ARB2A: variants seen among roughly 807,000 people sequenced by gnomAD.
ARB2A encodes ARB2 cotranscriptional regulator A.
the ARB2A span, among the ~76,000 whole-genome samples, chr5:93,928,749 AT>A: frequency 1.7e-4 from 26 of 152,258 alleles, no homozygotes; most frequent in African/African-American, 5.8e-4. Context: ...AAAACTACAG[AT>A]TTAGAATAGT....
the ARB2A span, among the ~76,000 whole-genome samples, chr5:93,630,884 A>G: frequency 6.6e-6 from 1 of 152,010 alleles, no homozygotes; most frequent in Admixed American, 6.6e-5. Context: ...TTTGGGAAGT[A>G]AACTTATTCC....
the ARB2A span, among the ~76,000 whole-genome samples, chr5:93,919,158 AC>A: frequency 6.6e-6 from 1 of 152,226 alleles, no homozygotes; most frequent in African/African-American, 2.4e-5. Flanking sequence ...ATATAAATTT[AC>A]TTCAACTGTG....
At chr5:93,864,890 A>G in the ARB2A span, among the ~76,000 whole-genome samples, 7 of 152,160 alleles carry the variant, frequency 4.6e-5, no homozygotes, top group African/African-American at 7.2e-5. Context: ...TCCCTGTTAT[A>G]TACTGTGAGC....
the ARB2A span, among the ~76,000 whole-genome samples, chr5:94,023,869 T>C: frequency 1.3e-5 from 2 of 152,200 alleles, no homozygotes; most frequent in African/African-American, 4.8e-5. Context: ...ATAGAGCTTC[T>C]ACATGCCTGT....
At chr5:93,762,484 G>A in the ARB2A span, among the ~76,000 whole-genome samples, 1 of 152,294 alleles carries the variant, frequency 6.6e-6, no homozygotes, top group Admixed American at 6.5e-5. Flanking sequence ...AATGAAGCAA[G>A]AAGAGAAGTT....
the ARB2A span, among the ~76,000 whole-genome samples, chr5:94,109,498 G>A: frequency 2.6e-5 from 4 of 152,164 alleles, no homozygotes; most frequent in African/African-American, 9.7e-5. Flanking sequence ...GCTCAATGAA[G>A]AGCACAGAAA....
the ARB2A span, among the ~76,000 whole-genome samples, chr5:94,049,117 TTA>T: frequency 1.3e-5 from 2 of 152,216 alleles, no homozygotes; most frequent in South Asian, 4.1e-4. Context: ...ACACTAAAAC[TTA>T]TGTGTCCACA....
chr5:93,765,372 A>G, the ARB2A span, among the ~76,000 whole-genome samples: 1 of 152,218 alleles, frequency 6.6e-6, no homozygotes, highest in Non-Finnish European at 1.5e-5. Flanking sequence ...TCAATGTGCA[A>G]AAATCACAAA....
At chr5:93,911,816 A>T in the ARB2A span, among the ~76,000 whole-genome samples, 1 of 151,648 alleles carries the variant, frequency 6.6e-6, no homozygotes, top group Non-Finnish European at 1.5e-5. Flanking sequence ...GGGCTTAGTG[A>T]TCAGTGTCCC....
the ARB2A span, among the ~76,000 whole-genome samples, chr5:94,055,112 T>C: frequency 2.6e-5 from 4 of 152,200 alleles, no homozygotes; most frequent in Non-Finnish European, 5.9e-5. Flanking sequence ...GTTCTCACTA[T>C]CTGTCATCAC....
At chr5:93,861,407 C>T in the ARB2A span, 1 of 151,790 alleles carries the variant, frequency 6.6e-6, no homozygotes, top group African/African-American at 2.4e-5. Flanking sequence ...CACTTCACCC[C>T]CTAACTGGAT....
At chr5:93,753,765 G>A in the ARB2A span, among the ~76,000 whole-genome samples, 1 of 152,170 alleles carries the variant, frequency 6.6e-6, no homozygotes, top group African/African-American at 2.4e-5. Flanking sequence ...AGCTATAGTA[G>A]GGGCAAGGAA....
At chr5:93,640,855 T>G in the ARB2A span, among the ~76,000 whole-genome samples, 1 of 152,036 alleles carries the variant, frequency 6.6e-6, no homozygotes, top group Non-Finnish European at 1.5e-5. Flanking sequence ...TTGAAAACAT[T>G]ATTTCCTACT....
At chr5:94,018,297 C>T in the ARB2A span, among the ~76,000 whole-genome samples, 1 of 152,150 alleles carries the variant, frequency 6.6e-6, no homozygotes, top group African/African-American at 2.4e-5. Context: ...ACTGATCTTA[C>T]AAATGCCTTT....
chr5:94,101,012 G>A, the ARB2A span, among the ~76,000 whole-genome samples: 4 of 151,928 alleles, frequency 2.6e-5, no homozygotes, highest in Non-Finnish European at 5.9e-5. Context: ...CCTACAGAAT[G>A]GGAAAAAAAA....
At chr5:93,633,254 AG>A in the ARB2A span, among the ~76,000 whole-genome samples, 3 of 152,222 alleles carry the variant, frequency 2.0e-5, no homozygotes, top group Non-Finnish European at 4.4e-5. Flanking sequence ...ATTTAATGGT[AG>A]ATCATTTAGA....
At chr5:93,769,587 G>C in the ARB2A span, among the ~76,000 whole-genome samples, 2 of 152,230 alleles carry the variant, frequency 1.3e-5, no homozygotes, top group South Asian at 4.1e-4. Context: ...AGGAAATGCT[G>C]GGGGTGCTGG....
chr5:93,740,696 C>T, the ARB2A span: 5 of 1,613,812 alleles, frequency 3.1e-6, no homozygotes, highest in Non-Finnish European at 4.2e-6. Context: ...TGAAAGCACA[C>T]TGGTGCTCCT....
At chr5:93,622,401 T>G in the ARB2A span, among the ~76,000 whole-genome samples, 1 of 152,246 alleles carries the variant, frequency 6.6e-6, no homozygotes, top group African/African-American at 2.4e-5. Context: ...TGCAACACTT[T>G]GCTTTCCCCT....
Sources: gnomAD v4.1 joint callset for allele counts (sites outside exome capture counted in the v4.1 genomes callset) on GRCh38, gnomAD v4.1.1 for gene constraint, MANE v1.5 for transcripts, NCBI Gene and HGNC (gene_info 2026-07-23, HGNC 2026-07-21) for gene names.